SH3PXD2A: variants seen among roughly 807,000 people sequenced by gnomAD.
SH3PXD2A encodes the protein SH3 and PX domains 2A.
Under a neutral mutation model 115.2 loss-of-function variants are expected in SH3PXD2A, and 32 were observed. The observed-to-expected ratio is 0.28, with a 90% CI of 0.21 to 0.37. The LOEUF is 0.37. Among genes scored for constraint, SH3PXD2A ranks in the 10% least tolerant of loss-of-function variants. The pLI is 1.00. For synonymous variants in SH3PXD2A, 610 were observed against 629.1 expected (o/e 0.97, Z 0.45); for missense variants, 1,328 against 1,498.7 (o/e 0.89, Z 1.88).
chr10:103,697,200 G>A (rs2037835613), intron 5 of SH3PXD2A, among the ~76,000 whole-genome samples: 1 of 152,144 alleles, frequency 6.6e-6, no homozygotes, highest in Admixed American at 6.5e-5. Flanking sequence ...TTCTCTATCT[G>A]TAGAACGAGG....
intron 3 of SH3PXD2A, among the ~76,000 whole-genome samples, chr10:103,738,919 C>G (rs534186564): frequency 6.6e-6 from 1 of 152,052 alleles, no homozygotes; most frequent in Non-Finnish European, 1.5e-5. Context: ...TTCAGCCTCC[C>G]GAGTAGCTGG....
intron 7 of SH3PXD2A, among the ~76,000 whole-genome samples, chr10:103,661,457 G>C (rs772695122): frequency 3.3e-5 from 5 of 152,220 alleles, no homozygotes; most frequent in Non-Finnish European, 5.9e-5. Flanking sequence ...TCACAGCCCG[G>C]CATGAGGGAG....
At chr10:103,615,163 G>T (rs1016927724) in intron 11 of SH3PXD2A, among the ~76,000 whole-genome samples, 3 of 152,214 alleles carry the variant, frequency 2.0e-5, no homozygotes, top group Non-Finnish European at 4.4e-5. Flanking sequence ...CCAGAGCCTG[G>T]TGCTCTTGCA....
chr10:103,650,564 G>A (rs1239336552), intron 8 of SH3PXD2A, among the ~76,000 whole-genome samples: 2 of 152,164 alleles, frequency 1.3e-5, no homozygotes, highest in African/African-American at 2.4e-5. Flanking sequence ...GCATCATTCA[G>A]GTTCACTCTG....
intron 5 of SH3PXD2A, among the ~76,000 whole-genome samples, chr10:103,711,397 C>T (rs921029624): frequency 2.6e-5 from 4 of 152,108 alleles, no homozygotes; most frequent in Non-Finnish European, 4.4e-5. Context: ...ACCTGGGGCA[C>T]GTAACTACCT....
intron 6 of SH3PXD2A, among the ~76,000 whole-genome samples, chr10:103,692,021 A>G (rs1252009225): frequency 6.6e-6 from 1 of 152,174 alleles, no homozygotes; most frequent in Admixed American, 6.5e-5. Flanking sequence ...GCACTTGGGC[A>G]CAGGAGCCAT....
In SH3PXD2A at chr10:103,756,030, C is replaced by T. The variant is rs904056676; in HGVS notation, c.229+11064G>A. Among the ~76,000 whole-genome samples the T allele has an allele frequency of 5.3e-5, 8 of 152,286 alleles. No homozygotes were observed. The highest frequency in any genetic ancestry group is 1.9e-4 in the East Asian group (1 of 5,172). On this transcript the variant is annotated intron_variant, in intron 3 of 14. Transcript: ENST00000369774. This position sits in a 1 kb window ranked among gnomAD's most constrained non-coding sequence, Gnocchi z 4.4. ...CCTTTTGAAGGTACATTCAGATGAA[C>T]GGGCTCCATCTTCAGGCCATGCCAG...
chr10:103,669,779 G>A (rs568867015), intron 6 of SH3PXD2A, among the ~76,000 whole-genome samples: 12 of 152,348 alleles, frequency 7.9e-5, no homozygotes, highest in Admixed American at 2.0e-4. Context: ...ACAAACTCTC[G>A]CACTGCCCAC....
At chr10:103,777,370 T>C (rs2038890136) in intron 2 of SH3PXD2A, among the ~76,000 whole-genome samples, 1 of 152,174 alleles carries the variant, frequency 6.6e-6, no homozygotes, top group African/African-American at 2.4e-5. Context: ...CTGGGAGGCG[T>C]CTTGGCCTGG....
intron 1 of SH3PXD2A, among the ~76,000 whole-genome samples, chr10:103,846,353 A>T (rs1248909965): frequency 1.3e-5 from 2 of 152,264 alleles, no homozygotes; most frequent in Non-Finnish European, 2.9e-5. Context: ...TCACAAAAAA[A>T]TGATTGGTTT....
chr10:103,800,962 C>T (rs116420605), intron 2 of SH3PXD2A, among the ~76,000 whole-genome samples: 2,980 of 152,300 alleles, frequency 0.02, 112 homozygotes, highest in African/African-American at 0.067. Context: ...TATAGACACA[C>T]GTCTGGTCAG....
chr10:103,670,241 G>A (rs2037438663), intron 6 of SH3PXD2A, among the ~76,000 whole-genome samples: 2 of 152,162 alleles, frequency 1.3e-5, no homozygotes, highest in South Asian at 2.1e-4. Context: ...GGCCTTTGGG[G>A]TCTGACTGCC....
intron 5 of SH3PXD2A, among the ~76,000 whole-genome samples, chr10:103,697,638 T>C (rs1267703277): frequency 6.6e-6 from 1 of 152,068 alleles, no homozygotes; most frequent in African/African-American, 2.4e-5. Context: ...TCCCAAGGAG[T>C]GGCCAACTCT....
chr10:103,708,017 CCA>C (rs2038001345), intron 5 of SH3PXD2A, among the ~76,000 whole-genome samples: 1 of 152,160 alleles, frequency 6.6e-6, no homozygotes, highest in Non-Finnish European at 1.5e-5. Context: ...CCCACAGCCC[CCA>C]CAGTCTCTCT....
At chr10:103,708,020 C>T (rs2038001384) in intron 5 of SH3PXD2A, among the ~76,000 whole-genome samples, 1 of 152,176 alleles carries the variant, frequency 6.6e-6, no homozygotes, top group African/African-American at 2.4e-5. Flanking sequence ...ACAGCCCCCA[C>T]AGTCTCTCTC....
At chr10:103,637,440 G>T (rs1426203272) in intron 8 of SH3PXD2A, among the ~76,000 whole-genome samples, 8 of 152,194 alleles carry the variant, frequency 5.3e-5, no homozygotes, top group Non-Finnish European at 7.3e-5. Context: ...GCCTATGTAA[G>T]GGTTTTGGTA....
chr10:103,605,950 C>T (rs756713372), intron 13 of SH3PXD2A, 33 bp from the exon 14 acceptor site: 115 of 1,609,180 alleles, frequency 7.1e-5, no homozygotes, highest in East Asian at 2.9e-4. Context: ...GGGCAAAACC[C>T]GCCTAAATCA....
intron 7 of SH3PXD2A, among the ~76,000 whole-genome samples, chr10:103,667,319 T>C (rs1440959725): frequency 6.6e-6 from 1 of 152,032 alleles, no homozygotes; most frequent in Non-Finnish European, 1.5e-5. Context: ...TCCCCACGAC[T>C]CCCCAACCCT....
At chr10:103,733,276 T>C (rs2038344285) in intron 4 of SH3PXD2A, among the ~76,000 whole-genome samples, 1 of 152,124 alleles carries the variant, frequency 6.6e-6, no homozygotes. Flanking sequence ...GGAGTCCTGT[T>C]CAAAGCCTGA....
Sources: gnomAD v4.1 joint callset for allele counts (sites outside exome capture counted in the v4.1 genomes callset) on GRCh38, gnomAD v4.1.1 for gene constraint, Gnocchi (gnomAD v3.1) non-coding constraint, MANE v1.5 for transcripts, NCBI Gene and HGNC (gene_info 2026-07-23, HGNC 2026-07-21) for gene names.